The following APAF1 variants were observed in gnomAD, a reference collection of about 807,000 sequenced individuals.
The protein encoded by APAF1 is apoptotic peptidase activating factor 1, also known as apoptotic protease-activating factor 1.
In APAF1, 91 loss-of-function variants were observed where a neutral mutation model predicts 152.4. The ratio of observed to expected loss-of-function variants is 0.60; its 90% CI spans 0.50 to 0.71. APAF1 has a LOEUF of 0.71. Among genes scored for constraint, APAF1 ranks in the 30% least tolerant of loss-of-function variants. The probability of loss-of-function intolerance (pLI) is 0.00; values close to 1 mark genes in which losing one functional copy is unlikely to be tolerated. For synonymous variants in APAF1, 484 were observed against 494.1 expected, an observed-to-expected ratio of 0.98 and a Z score of 0.27; for missense variants, 1,283 against 1,472.0, an observed-to-expected ratio of 0.87 and a Z score of 2.10.
At position 98,680,406 on chromosome 12, in the gene APAF1, G is replaced by A; in HGVS notation, c.2046+4G>A. 6.2e-7 allele frequency: 1 copy of A among 1,612,548 alleles called. No individual in the cohort carries two copies. Among genetic ancestry groups the A allele is most frequent in the East Asian group, 2.2e-5 (1 of 44,852 alleles). On this transcript the variant is annotated splice_donor_region_variant and intron_variant, in intron 14 of 26. Transcript: ENST00000551964. ...CTCAGTGGATAAAAAAGTGAAGGTA[G>A]GAAAATCTTTTCCTCTTGAGTTGTA...
At chr12:98,665,487 A>C in intron 7 of APAF1, 66 bp from the exon 8 acceptor site, 1 of 1,071,926 alleles carries the variant, frequency 9.3e-7, no homozygotes, top group East Asian at 2.4e-5. Context: ...GTAAGTAAGT[A>C]AGTCGATTCT....
At chr12:98,684,361 C>A (rs1477978553) in intron 15 of APAF1, among the ~76,000 whole-genome samples, 1 of 151,470 alleles carries the variant, frequency 6.6e-6, no homozygotes, top group African/African-American at 2.4e-5. Context: ...TTCTTCTTGA[C>A]TCTCTCTTCC....
chr12:98,655,974 G>A (rs978477758), intron 4 of APAF1, among the ~76,000 whole-genome samples: 1 of 152,008 alleles, frequency 6.6e-6, no homozygotes, highest in African/African-American at 2.4e-5. Context: ...TAGTAGAAAC[G>A]GGGTTTCACC....
chr12:98,666,860 A>AT (rs2097673535), intron 9 of APAF1, among the ~76,000 whole-genome samples: 2 of 151,968 alleles, frequency 1.3e-5, no homozygotes, highest in African/African-American at 4.8e-5. Context: ...TTTTTAAAAA[A>AT]TTTTTTGTAG....
At chr12:98,694,749 A>C (rs1350593054) in intron 16 of APAF1, among the ~76,000 whole-genome samples, 1 of 152,226 alleles carries the variant, frequency 6.6e-6, no homozygotes, top group East Asian at 1.9e-4. Context: ...TTAGACATAG[A>C]TATATCTTAG....
rs146641691 is a variant in APAF1, at chr12:98,684,008, A to G, written c.2178+734A>G. Among the ~76,000 whole-genome samples the G allele has an allele frequency of 3.4e-3, 516 of 152,282 alleles. 4 individuals carry two copies. Among genetic ancestry groups the G allele is most frequent in the African/African-American group, 0.012 (500 of 41,560 alleles). On this transcript the variant is annotated intron_variant, in intron 15 of 26. Transcript: ENST00000551964. Reference sequence around the variant, plus strand: ...TTACCTTTTCTGGAATCCCAGAAAGATCTGCTAACTTTTTTTGAATTGTTT... The same window carrying G: ...TTACCTTTTCTGGAATCCCAGAAAGGTCTGCTAACTTTTTTTGAATTGTTT...
intron 20 of APAF1, among the ~76,000 whole-genome samples, chr12:98,710,284 T>C (rs2097726538): frequency 6.6e-6 from 1 of 151,432 alleles, no homozygotes; most frequent in African/African-American, 2.4e-5. Context: ...ACAGCTTGAG[T>C]TAACTTTTTC....
At chr12:98,682,693 A>G (rs1459731657) in intron 14 of APAF1, among the ~76,000 whole-genome samples, 1 of 152,172 alleles carries the variant, frequency 6.6e-6, no homozygotes, top group Middle Eastern at 3.2e-3. Context: ...TGGGAGAGGT[A>G]TAGATATCCC....
chr12:98,680,316 A>G lies in APAF1; in HGVS notation c.1960A>G (p.Lys654Glu). 6.2e-7 allele frequency: 1 copy of G among 1,613,074 alleles called. No homozygotes were observed. The highest frequency in any genetic ancestry group is 8.5e-7 in the Non-Finnish European group (1 of 1,179,570). The change falls in exon 14 of 27, where the codon AAG becomes GAG. Residue 654 changes from lysine to glutamate, a missense_variant. Coordinates refer to ENST00000551964, the MANE Select transcript of APAF1 (RefSeq NM_181861.2). ...AETGEKLLEI[K>E]AHEDEVLCCA... Reference sequence around the variant, plus strand: ...AACAGGAGAGAAACTTCTAGAAATCAAGGCTCATGAGGATGAAGTGCTTTG... The same window carrying G: ...AACAGGAGAGAAACTTCTAGAAATCGAGGCTCATGAGGATGAAGTGCTTTG...
intron 5 of APAF1, among the ~76,000 whole-genome samples, chr12:98,661,058 C>T (rs995723377): frequency 2.7e-4 from 41 of 152,178 alleles, no homozygotes; most frequent in African/African-American, 8.0e-4. Flanking sequence ...CCCCACCACA[C>T]GCCGGGCTAA....
At chr12:98,673,445 A>AAC (rs1565868524) in intron 12 of APAF1, among the ~76,000 whole-genome samples, 3 of 151,538 alleles carry the variant, frequency 2.0e-5, no homozygotes, top group African/African-American at 7.3e-5. Flanking sequence ...CAAAAAACAA[A>AAC]AAAAAAAAAA....
chr12:98,689,400 C>T (rs777070756), intron 16 of APAF1, among the ~76,000 whole-genome samples: 1 of 151,542 alleles, frequency 6.6e-6, no homozygotes, highest in African/African-American at 2.4e-5. Context: ...TTTTAATGCC[C>T]GTCAAAACTT....
Position 98,648,458 on chromosome 12 carries a change from A to T in APAF1, c.99A>T (p.Gly33=). Residue 33 remains glycine, a synonymous_variant, in exon 2 of 27, where the codon GGA becomes GGT. Coordinates refer to ENST00000551964, the MANE Select transcript of APAF1 (RefSeq NM_181861.2). The part of the protein sequence containing the change: ...SYIMDHMISD[G]FLTISEEEKV... The stretch of plus-strand genomic sequence containing the variant: ...TCATGGATCACATGATTAGTGATGG[A>T]TTTTTAACAATATCAGAAGAGGAAA... The T allele has an allele frequency of 6.2e-7, 1 of 1,614,042 alleles. No individual in the cohort carries two copies. The highest frequency in any genetic ancestry group is 8.5e-7 in the Non-Finnish European group (1 of 1,179,956).
intron 26 of APAF1, among the ~76,000 whole-genome samples, chr12:98,727,662 C>T (rs1209585903): frequency 6.6e-6 from 1 of 151,904 alleles, no homozygotes; most frequent in Admixed American, 6.6e-5. Context: ...AATTAAAAGC[C>T]AGGCACGGTG....
intron 22 of APAF1, among the ~76,000 whole-genome samples, chr12:98,719,169 C>G (rs1330460867): frequency 6.6e-6 from 1 of 152,154 alleles, no homozygotes; most frequent in African/African-American, 2.4e-5. Flanking sequence ...CTGCTCTTCT[C>G]TAGTTGTTCC....
Position 98,699,427 on chromosome 12 carries a change from C to T in APAF1, c.2324C>T (p.Ala775Val). Reference protein sequence around the residue: ...GTLKLWDATSANERKSINVKQ... With the variant: ...GTLKLWDATSVNERKSINVKQ... ...TCAAAGCTTTGGGATGCGACATCAG[C>T]AAATGAGAGGAAAAGCATTAATGTG... Residue 775 changes from alanine to valine, a missense_variant, in exon 17 of 27, where the codon GCA becomes GTA. Coordinates refer to ENST00000551964, the MANE Select transcript of APAF1 (RefSeq NM_181861.2). The T allele has an allele frequency of 6.2e-7, 1 of 1,613,984 alleles. No homozygotes were observed.
chr12:98,673,994 T>TTTTA (rs924679220), intron 12 of APAF1, among the ~76,000 whole-genome samples: 5 of 151,922 alleles, frequency 3.3e-5, no homozygotes, highest in Non-Finnish European at 5.9e-5. Flanking sequence ...TTTTTGTTGG[T>TTTTA]TTTATTTATT....
intron 14 of APAF1, among the ~76,000 whole-genome samples, chr12:98,682,467 C>T (rs957825863): frequency 6.6e-6 from 1 of 152,186 alleles, no homozygotes; most frequent in Non-Finnish European, 1.5e-5. Context: ...GTGTCGATCC[C>T]GTTTACAGAA....
intron 21 of APAF1, 124 bp downstream of exon 21, chr12:98,712,559 C>T (rs929372802): frequency 4.3e-6 from 3 of 691,104 alleles, no homozygotes; most frequent in African/African-American, 1.8e-5. Flanking sequence ...GCTGTGTCAC[C>T]CACGCTGAGT....
Sources: allele counts gnomAD v4.1 joint callset (sites outside exome capture counted in the v4.1 genomes callset), GRCh38; gene constraint gnomAD v4.1.1; transcripts MANE v1.5; gene names NCBI Gene and HGNC (gene_info 2026-07-23, HGNC 2026-07-21).